Variants in PCDHGB2 observed in about 807,000 individuals in gnomAD.
The protein encoded by PCDHGB2 is protocadherin gamma-B2.
Under a neutral mutation model 59.3 loss-of-function variants are expected in PCDHGB2, and 55 were observed. The observed-to-expected ratio is 0.93, with a 90% confidence interval of 0.75 to 1.16. The LOEUF is 1.16. Among genes scored for constraint, PCDHGB2 ranks in the 50% most tolerant of loss-of-function variants. The pLI is 0.00. For synonymous variants in PCDHGB2, 516 were observed against 512.0 expected (o/e 1.01, Z -0.11); for missense variants, 1,228 against 1,198.5 (o/e 1.02, Z -0.36).
At chr5:141,403,738 T>G in intron 1 of PCDHGB2, 3 of 1,613,930 alleles carry the variant, frequency 1.9e-6, no homozygotes, top group Admixed American at 3.3e-5. Context: ...CCTGGCTGCT[T>G]ACTGCAACAG....
intron 1 of PCDHGB2, among the ~76,000 whole-genome samples, chr5:141,433,837 C>CAAAAAAAA (rs56191208): frequency 1.9e-4 from 21 of 111,692 alleles, no homozygotes; most frequent in Admixed American, 5.9e-4. Context: ...AACTCTATCT[C>CAAAAAAAA]AAAAAAAAAA....
At chr5:141,454,181 G>A (rs1290295830) in intron 1 of PCDHGB2, among the ~76,000 whole-genome samples, 1 of 152,200 alleles carries the variant, frequency 6.6e-6, no homozygotes, top group Non-Finnish European at 1.5e-5. Context: ...GCAGCTAAAG[G>A]AGCTTAGTGA....
chr5:141,362,255 T>A lies in PCDHGB2; in HGVS notation c.2120T>A (p.Val707Glu), dbSNP rs1257652154. ...ATCTCAGTGCTCTTCTTCCTCGCGG[T>A]GATTCTGGCAATCTCCCTGCGCCTG... ...ALISVLFFLA[V>E]ILAISLRLRL... The change falls in exon 1 of 4, where the codon GTG (valine) becomes GAG (glutamate). Residue 707 changes from valine to glutamate, a missense_variant. Physicochemically the swap from Val to Glu is moderately radical, Grantham distance 121. Coordinates refer to ENST00000522605, the MANE Select transcript of PCDHGB2 (RefSeq NM_018923.3). 1.2e-6 allele frequency: 2 copies of A among 1,614,020 alleles called. No individual in the cohort carries two copies. Among genetic ancestry groups the A allele is most frequent in the Admixed American group, 3.3e-5 (2 of 60,018 alleles).
intron 3 of PCDHGB2, among the ~76,000 whole-genome samples, chr5:141,509,574 G>T (rs554778751): frequency 6.6e-6 from 1 of 152,300 alleles, no homozygotes; most frequent in South Asian, 2.1e-4. Context: ...TTCACAGTGC[G>T]TACAAATCAG....
chr5:141,372,171 G>T, intron 1 of PCDHGB2: 1 of 1,613,744 alleles, frequency 6.2e-7, no homozygotes, highest in Non-Finnish European at 8.5e-7. Flanking sequence ...CAAGGTGGTG[G>T]CGGTGGACGC....
At chr5:141,419,977 G>A (rs962684463) in intron 1 of PCDHGB2, 1 of 1,614,066 alleles carries the variant, frequency 6.2e-7, no homozygotes, top group Non-Finnish European at 8.5e-7. Context: ...TTCTCCTCGC[G>A]GTGATTCTAG....
At chr5:141,372,152 C>G in intron 1 of PCDHGB2, 1 of 1,613,792 alleles carries the variant, frequency 6.2e-7, no homozygotes, top group East Asian at 2.2e-5. Context: ...AGCCTGGCTA[C>G]CTGGTGACCA....
chr5:141,502,615 A>G (rs2099815317), intron 2 of PCDHGB2, among the ~76,000 whole-genome samples: 1 of 152,218 alleles, frequency 6.6e-6, no homozygotes, highest in Non-Finnish European at 1.5e-5. Context: ...TTGTGAAAAT[A>G]TAAGTAATCT....
rs747671382 is a variant in PCDHGB2, at chr5:141,444,152, A to ATTTT, written c.2422-50622_2422-50619dup. Among the ~76,000 whole-genome samples the ATTTT allele has an allele frequency of 5.0e-4, 17 of 33,898 alleles. 5 individuals carry two copies. Among genetic ancestry groups the ATTTT allele is most frequent in the African/African-American group, 7.0e-4 (5 of 7,184 alleles). 22.2% of individuals were successfully genotyped at this position (33,898 alleles called of 152,430 possible). ...GATATGTGTCACTTGTGTGTACTGG[A>ATTTT]TTTTTTTTTTTTTTTTTTTTTTTTT... On this transcript the variant is annotated intron_variant, in intron 1 of 3. Transcript: ENST00000522605.
intron 1 of PCDHGB2, chr5:141,421,938 T>C (rs777643980): frequency 2.9e-5 from 46 of 1,613,346 alleles, no homozygotes; most frequent in Non-Finnish European, 3.5e-5. Context: ...TCGATGTAAA[T>C]GATCACATCC....
In PCDHGB2 at chr5:141,463,735, C is replaced by T. The variant is rs1411988885; in HGVS notation, c.2422-31072C>T. On this transcript the variant is annotated intron_variant, in intron 1 of 3. Coordinates refer to ENST00000522605, the MANE Select transcript of PCDHGB2 (RefSeq NM_018923.3). ...TGCTGGGATTACAGGCATGAGCCAC[C>T]GCGCCCGGCCTGCTTCTCTTCTCTT... 3.3e-5 allele frequency among the ~76,000 whole-genome samples: 5 copies of T among 152,100 alleles called. No individual in the cohort carries two copies. The East Asian group carries it at 7.8e-4, about 24-fold the overall frequency.
chr5:141,478,102 C>T, intron 1 of PCDHGB2: 1 of 1,614,126 alleles, frequency 6.2e-7, no homozygotes, highest in South Asian at 1.1e-5. Flanking sequence ...CTGCTACCCT[C>T]ACTGTGTCAG....
At position 141,419,169 on chromosome 5, in the gene PCDHGB2, C is replaced by T. The variant is rs746258255; in HGVS notation, c.2421+56613C>T. 73 of 1,613,970 alleles carry T rather than the reference C, an allele frequency of 4.5e-5. No homozygotes were observed. The highest frequency in any genetic ancestry group is 3.3e-4 in the Middle Eastern group (2 of 6,062). The stretch of plus-strand genomic sequence containing the variant: ...AAGCCTCCGTTATCCTCCAGCAAAA[C>T]CATAACCCTGCACATTACTGACGTC... On this transcript the variant is annotated intron_variant, in intron 1 of 3. Coordinates refer to ENST00000522605, the MANE Select transcript of PCDHGB2 (RefSeq NM_018923.3).
At chr5:141,500,223 T>G (rs1034982746) in intron 2 of PCDHGB2, among the ~76,000 whole-genome samples, 16 of 145,318 alleles carry the variant, frequency 1.1e-4, no homozygotes, top group African/African-American at 3.4e-4. Context: ...TTTATTTATT[T>G]ATTGATACGT....
At chr5:141,399,504 A>G (rs754910149) in intron 1 of PCDHGB2, 3 of 1,614,000 alleles carry the variant, frequency 1.9e-6, no homozygotes, top group Non-Finnish European at 2.5e-6. Context: ...GTGTACCCGA[A>G]AACAACCCTC....
In PCDHGB2 at chr5:141,491,771, G is replaced by C. The variant is rs760915700; in HGVS notation, c.2422-3036G>C. ...GGAGAAGCCGCCCGTCCTCATAAGG[G>C]ATTGAACTTGCATCCACTCCTCTCC... On this transcript the variant is annotated intron_variant, in intron 1 of 3. Coordinates refer to ENST00000522605, the MANE Select transcript of PCDHGB2 (RefSeq NM_018923.3). The surrounding 1 kb of genome is among the most constrained non-coding windows in gnomAD (Gnocchi z 6.9). 6.4e-7 allele frequency: 1 copy of C among 1,558,290 alleles called. No individual in the cohort carries two copies. Among genetic ancestry groups the C allele is most frequent in the Non-Finnish European group, 8.7e-7 (1 of 1,153,586 alleles).
chr5:141,408,339 T>C lies in PCDHGB2; in HGVS notation c.2421+45783T>C, dbSNP rs768142301. 1.7e-5 allele frequency: 27 copies of C among 1,613,672 alleles called. No homozygotes were observed. In the Middle Eastern group the frequency reaches 9.9e-4, roughly 59 times the overall value. ...CCGGAGGAGCTGGCCAAGGGCTCGGTGGTGGGGAACCTCGCTAAGGATCTA... is the reference window on the plus strand; with the variant it reads ...CCGGAGGAGCTGGCCAAGGGCTCGGCGGTGGGGAACCTCGCTAAGGATCTA... On this transcript the variant is annotated intron_variant, in intron 1 of 3. Coordinates refer to ENST00000522605, the MANE Select transcript of PCDHGB2 (RefSeq NM_018923.3).
intron 1 of PCDHGB2, among the ~76,000 whole-genome samples, chr5:141,436,010 A>G (rs1188507054): frequency 6.6e-6 from 1 of 152,168 alleles, no homozygotes; most frequent in Non-Finnish European, 1.5e-5. Context: ...AAGTATTTGA[A>G]TTTATCTAAA....
At chr5:141,478,042 G>A (rs1358652557) in intron 1 of PCDHGB2, 18 of 1,614,152 alleles carry the variant, frequency 1.1e-5, no homozygotes, top group Non-Finnish European at 1.5e-5. Flanking sequence ...CACCCAGGCA[G>A]ACTCTCACGG....
Sources: allele counts gnomAD v4.1 joint callset (sites outside exome capture counted in the v4.1 genomes callset), GRCh38; gene constraint gnomAD v4.1.1; non-coding constraint Gnocchi (gnomAD v3.1); transcripts MANE v1.5; gene names NCBI Gene and HGNC (gene_info 2026-07-23, HGNC 2026-07-21).